Variants in DIO1 observed in about 807,000 individuals in gnomAD.
The protein encoded by DIO1 is type I iodothyronine deiodinase.
DIO1 carries 17 observed loss-of-function variants against 25.9 expected under a neutral mutation model. The ratio of observed to expected loss-of-function variants is 0.66; its 90% CI spans 0.45 to 0.98. The LOEUF is 0.98. Ranked by LOEUF, DIO1 falls within the 50% of genes least tolerant of loss-of-function variation. The pLI is 0.00. For missense variants in DIO1, 270 were observed against 310.4 expected, an observed-to-expected ratio of 0.87 and a Z score of 0.98; for synonymous variants, 115 against 114.0, an observed-to-expected ratio of 1.01 and a Z score of -0.05.
chr1:53,896,348 C>T (rs1651079653), intron 1 of DIO1, among the ~76,000 whole-genome samples: 1 of 151,194 alleles, frequency 6.6e-6, no homozygotes, highest in Non-Finnish European at 1.5e-5. Context: ...CTCCTTAGTA[C>T]CTGGGACAAC....
At chr1:53,897,495 T>TAAAATATAAA (rs1553157664) in intron 1 of DIO1, among the ~76,000 whole-genome samples, 6 of 151,254 alleles carry the variant, frequency 4.0e-5, no homozygotes, top group South Asian at 2.1e-4. Flanking sequence ...TAAAATAAAA[T>TAAAATATAAA]ATAAAATAAA....
intron 3 of DIO1, among the ~76,000 whole-genome samples, chr1:53,908,302 T>G (rs1051912423): frequency 6.6e-6 from 1 of 152,114 alleles, no homozygotes; most frequent in African/African-American, 2.4e-5. Context: ...AAGACCCAAG[T>G]AAGACTATTA....
At position 53,894,983 on chromosome 1, in the gene DIO1, C is replaced by T. The variant is rs1167744331; in HGVS notation, c.337+436C>T. Among the ~76,000 whole-genome samples, 1 of 152,176 alleles carries T rather than the reference C, an allele frequency of 6.6e-6. No homozygotes were observed. Among genetic ancestry groups the T allele is most frequent in the Admixed American group, 6.6e-5 (1 of 15,254 alleles). On this transcript the variant is annotated intron_variant, in intron 1 of 3. Transcript: ENST00000361921. The surrounding 1 kb of genome is among the most constrained non-coding windows in gnomAD (Gnocchi z 4.9). Reference sequence around the variant, plus strand: ...AAACTTTTCTTTATTACACCTGTCGCGGTTTGTAATTATGTACGGCTGGCT... The same window carrying T: ...AAACTTTTCTTTATTACACCTGTCGTGGTTTGTAATTATGTACGGCTGGCT...
chr1:53,905,265 C>T (rs1450112471), intron 2 of DIO1, among the ~76,000 whole-genome samples: 3 of 150,760 alleles, frequency 2.0e-5, no homozygotes, highest in African/African-American at 7.4e-5. Context: ...GCCTCAACCT[C>T]CTGGGCTAAA....
chr1:53,898,650 C>G (rs1405314323), intron 1 of DIO1, among the ~76,000 whole-genome samples: 1 of 148,974 alleles, frequency 6.7e-6, no homozygotes, highest in East Asian at 2.0e-4. Flanking sequence ...GAGGCTGAGG[C>G]AGGAGAATTG....
Position 53,904,779 on chromosome 1 carries a change from G to C in DIO1, c.451G>C (p.Val151Leu), listed in dbSNP as rs184097906. The change falls in exon 2 of 4, where the codon GTC becomes CTC. Residue 151 changes from valine (V) to leucine (L), a missense_variant. Val to Leu is a conservative substitution (Grantham distance 32). Coordinates refer to ENST00000361921, the MANE Select transcript of DIO1 (RefSeq NM_000792.7). ...EDFSSIADFL[V>L]IYIEEAHASD... ...CTTTAGTTCCATAGCAGATTTTCTT[G>C]TCATTTACATTGAAGAAGCACATGC... The C allele has an allele frequency of 8.7e-6, 14 of 1,612,604 alleles. No individual in the cohort carries two copies. In the East Asian group the frequency reaches 2.7e-4, roughly 31 times the overall value.
At chr1:53,896,163 C>A (rs1651059941) in intron 1 of DIO1, among the ~76,000 whole-genome samples, 1 of 151,800 alleles carries the variant, frequency 6.6e-6, no homozygotes, top group Non-Finnish European at 1.5e-5. Context: ...AGAGAAGGCA[C>A]CTGAGGCAGT....
At position 53,894,823 on chromosome 1, in the gene DIO1, G is replaced by A. The variant is rs1375152104; in HGVS notation, c.337+276G>A. ...CTGTACAGGCTGATCTGCCTGGGCT[G>A]CTCTTTGCCCACCTCTCTGCCTGGT... On this transcript the variant is annotated intron_variant, in intron 1 of 3. Transcript: ENST00000361921. This position sits in a 1 kb window ranked among gnomAD's most constrained non-coding sequence, Gnocchi z 4.9. Among the ~76,000 whole-genome samples the A allele has an allele frequency of 2.6e-5, 4 of 152,158 alleles. No homozygotes were observed. The highest frequency in any genetic ancestry group is 5.9e-5 in the Non-Finnish European group (4 of 68,040).
At chr1:53,906,006 A>G in intron 2 of DIO1, 89 bp from the exon 3 acceptor site, 2 of 1,265,380 alleles carry the variant, frequency 1.6e-6, no homozygotes, top group Admixed American at 2.0e-5. Flanking sequence ...GGCTCCTCTG[A>G]GAACCTCAGT....
At chr1:53,901,675 C>CA (rs1430515144) in intron 1 of DIO1, among the ~76,000 whole-genome samples, 1 of 152,090 alleles carries the variant, frequency 6.6e-6, no homozygotes, top group Non-Finnish European at 1.5e-5. Context: ...AAATAGAATA[C>CA]AAAATAGGGA....
intron 1 of DIO1, among the ~76,000 whole-genome samples, chr1:53,895,701 T>G (rs1651036752): frequency 6.6e-6 from 1 of 152,182 alleles, no homozygotes; most frequent in African/African-American, 2.4e-5. Flanking sequence ...AGCCTTGGAT[T>G]CCAGGTCCTC....
intron 2 of DIO1, 189 bp downstream of exon 2, chr1:53,904,998 A>G (rs886670448): frequency 3.6e-6 from 2 of 560,654 alleles, no homozygotes; most frequent in African/African-American, 3.8e-5. Context: ...TGTGCTTTCA[A>G]CCAGGGTACA....
intron 3 of DIO1, among the ~76,000 whole-genome samples, chr1:53,906,544 G>A (rs1187673686): frequency 6.6e-6 from 1 of 152,230 alleles, no homozygotes; most frequent in Non-Finnish European, 1.5e-5. Context: ...CATTTGGACT[G>A]GAGCTGCATC....
intron 3 of DIO1, among the ~76,000 whole-genome samples, 154 bp downstream of exon 3, chr1:53,906,448 G>A (rs977676207): frequency 6.6e-6 from 1 of 152,174 alleles, no homozygotes; most frequent in African/African-American, 2.4e-5. Context: ...TCACTTCTTG[G>A]AGTTCCTTCA....
rs778884582 is a variant in DIO1 at position 53,904,765 on chromosome 1, T to C, written c.437T>C (p.Ile146Thr). The change falls in exon 2 of 4, where the codon ATA becomes ACA. Residue 146 changes from isoleucine (I) to threonine (T), a missense_variant. Coordinates refer to ENST00000361921, the MANE Select transcript of DIO1 (RefSeq NM_000792.7). ...FKRLIEDFSS[I>T]ADFLVIYIEE... The stretch of plus-strand genomic sequence containing the variant: ...AGGCTTATTGAAGACTTTAGTTCCA[T>C]AGCAGATTTTCTTGTCATTTACATT... 4 of 1,613,284 alleles carry C rather than the reference T, an allele frequency of 2.5e-6. No homozygotes were observed. The highest frequency in any genetic ancestry group is 1.1e-5 in the South Asian group (1 of 90,804).
chr1:53,900,476 C>T (rs1025949612), intron 1 of DIO1, among the ~76,000 whole-genome samples: 15 of 152,094 alleles, frequency 9.9e-5, no homozygotes, highest in East Asian at 1.9e-4. Context: ...TGGTGGTGCA[C>T]GCTTGTAATC....
In DIO1 at chr1:53,894,599, G is replaced by T; in HGVS notation, c.337+52G>T. ...GGTGCTTGAAATAGCAGTGGTAGAGGGGGATGAAGAGATGGGTTGGAAAGT... is the reference window on the plus strand; with the variant it reads ...GGTGCTTGAAATAGCAGTGGTAGAGTGGGATGAAGAGATGGGTTGGAAAGT... On this transcript the variant is annotated intron_variant, in intron 1 of 3. Coordinates refer to ENST00000361921, the MANE Select transcript of DIO1 (RefSeq NM_000792.7). The surrounding 1 kb of genome is among the most constrained non-coding windows in gnomAD (Gnocchi z 4.9). 1 of 1,514,376 alleles carries T rather than the reference G, an allele frequency of 6.6e-7. No homozygotes were observed. Among genetic ancestry groups the T allele is most frequent in the South Asian group, 1.2e-5 (1 of 82,574 alleles). 93.8% of individuals were successfully genotyped at this position (1,514,376 alleles called of 1,614,324 possible).
chr1:53,904,560 G>A (rs1223379565), intron 1 of DIO1, 106 bp from the exon 2 acceptor site: 16 of 1,393,266 alleles, frequency 1.1e-5, no homozygotes, highest in Non-Finnish European at 1.6e-5. Flanking sequence ...GGGGTGGGGG[G>A]TAGGGGGAAA....
At chr1:53,906,350 G>C in intron 3 of DIO1, 56 bp downstream of exon 3, 15 of 1,487,348 alleles carry the variant, frequency 1.0e-5, no homozygotes, top group Non-Finnish European at 1.4e-5. Context: ...GGGAGGGCAA[G>C]GGCAAAGAGA....
Sources: allele counts gnomAD v4.1 joint callset (sites outside exome capture counted in the v4.1 genomes callset), GRCh38; gene constraint gnomAD v4.1.1; non-coding constraint Gnocchi (gnomAD v3.1); transcripts MANE v1.5; gene names NCBI Gene and HGNC (gene_info 2026-07-23, HGNC 2026-07-21).